DPP6: variants seen among roughly 807,000 people sequenced by gnomAD.
DPP6 encodes the protein dipeptidyl peptidase like 6, also known as A-type potassium channel modulatory protein DPP6.
A neutral mutation model predicts 122.6 loss-of-function variants in DPP6; 69 were observed. The ratio of observed to expected loss-of-function variants is 0.56; its 90% confidence interval spans 0.46 to 0.69. The LOEUF (loss-of-function observed/expected upper bound fraction) is 0.69. DPP6 is among the 30% of genes least tolerant of loss of function. The pLI, the probability that DPP6 is intolerant of heterozygous loss-of-function variation, is 0.00. For missense variants in DPP6, 928 were observed against 1,116.9 expected (o/e 0.83, Z 2.41); for synonymous variants, 418 against 433.1 (o/e 0.97, Z 0.43).
intron 18 of DPP6, among the ~76,000 whole-genome samples, chr7:154,869,212 G>C (rs1364632183): frequency 6.6e-6 from 1 of 152,166 alleles, no homozygotes; most frequent in African/African-American, 2.4e-5. Context: ...CCTGACACGA[G>C]ACAGCAGCGT....
At chr7:153,808,545 G>A in the DPP6 span, among the ~76,000 whole-genome samples, 3 of 151,964 alleles carry the variant, frequency 2.0e-5, no homozygotes, top group Non-Finnish European at 4.4e-5. Context: ...AGCTTATTCA[G>A]CTTCTATCTG....
At chr7:153,872,881 C>G in the DPP6 span, among the ~76,000 whole-genome samples, 16 of 152,146 alleles carry the variant, frequency 1.1e-4, no homozygotes, top group Non-Finnish European at 2.9e-5. Flanking sequence ...ATAGAATAAC[C>G]AACTACAATT....
At chr7:154,439,464 A>G (rs1819177998) in intron 1 of DPP6, among the ~76,000 whole-genome samples, 1 of 152,230 alleles carries the variant, frequency 6.6e-6, no homozygotes, top group Non-Finnish European at 1.5e-5. Context: ...ATATAGAACA[A>G]CTTGATACCT....
chr7:154,060,878 T>TG (rs1801746774), intron 1 of DPP6, among the ~76,000 whole-genome samples: 1 of 82,026 alleles, frequency 1.2e-5, no homozygotes, highest in African/African-American at 5.5e-5. Context: ...CATCACAGAG[T>TG]GGGGAGGCAC....
At chr7:153,848,731 ATC>A in the DPP6 span, among the ~76,000 whole-genome samples, 1 of 152,084 alleles carries the variant, frequency 6.6e-6, no homozygotes, top group Non-Finnish European at 1.5e-5. Flanking sequence ...AGTTCACAAA[ATC>A]TCTCTTAAGC....
At chr7:154,253,609 A>G (rs78012853) in intron 1 of DPP6, among the ~76,000 whole-genome samples, 5,683 of 152,342 alleles carry the variant, frequency 0.037, 184 homozygotes, top group East Asian at 0.13. Flanking sequence ...CTAAACTTAT[A>G]TGGTATAAAC....
chr7:154,716,433 T>C (rs1267251991), intron 7 of DPP6, among the ~76,000 whole-genome samples: 2 of 152,210 alleles, frequency 1.3e-5, no homozygotes, highest in Non-Finnish European at 2.9e-5. Context: ...TTTCCACACA[T>C]GGATGCTGAC....
chr7:153,871,277 C>G, the DPP6 span, among the ~76,000 whole-genome samples: 3 of 152,208 alleles, frequency 2.0e-5, no homozygotes, highest in African/African-American at 7.2e-5. Context: ...GGCAGGCCTC[C>G]TTGAGCTGTG....
chr7:154,054,527 G>A (rs907234683), intron 1 of DPP6, among the ~76,000 whole-genome samples: 5 of 152,208 alleles, frequency 3.3e-5, no homozygotes, highest in Non-Finnish European at 5.9e-5. Flanking sequence ...GATTTTGCAT[G>A]AGGTTTTGTG....
chr7:154,277,434 G>A (rs1223857563), intron 1 of DPP6, among the ~76,000 whole-genome samples: 1 of 152,190 alleles, frequency 6.6e-6, no homozygotes, highest in Non-Finnish European at 1.5e-5. Context: ...ATTAGCTTGG[G>A]AAGATCTGCC....
At chr7:154,052,177 G>A (rs1025595266), upstream of DPP6, among the ~76,000 whole-genome samples, 11 of 151,346 alleles carry the variant, frequency 7.3e-5, no homozygotes, top group South Asian at 2.1e-4. This position sits in a 1 kb window ranked among gnomAD's most constrained non-coding sequence, Gnocchi z 4.8. Context: ...CTCCCCCACC[G>A]CCCCCGCACC....
intron 1 of DPP6, among the ~76,000 whole-genome samples, chr7:154,171,863 G>A (rs1306673743): frequency 3.9e-5 from 6 of 152,086 alleles, no homozygotes; most frequent in South Asian, 2.1e-4. Context: ...GATTGAAACC[G>A]AATATCATTC....
chr7:154,087,275 A>G (rs979869993), intron 1 of DPP6, among the ~76,000 whole-genome samples: 9 of 152,078 alleles, frequency 5.9e-5, no homozygotes, highest in African/African-American at 2.2e-4. Flanking sequence ...AGGTGTCAGC[A>G]CCAACCTCTT....
intron 1 of DPP6, among the ~76,000 whole-genome samples, chr7:153,961,951 C>A (rs1407763062): frequency 1.3e-4 from 19 of 149,482 alleles, no homozygotes; most frequent in Admixed American, 3.3e-4. Context: ...GTTGGGGACC[C>A]CTGTGCTAGA....
Position 154,828,038 on chromosome 7 carries a change from G to A in DPP6, c.1666+20926G>A, listed in dbSNP as rs56878100. Among the ~76,000 whole-genome samples, 88 of 152,252 alleles carry A rather than the reference G, an allele frequency of 5.8e-4. 2 individuals carry two copies. Among genetic ancestry groups the A allele is most frequent in the African/African-American group, 1.9e-3 (81 of 41,540 alleles). On this transcript the variant is annotated intron_variant, in intron 16 of 25. Coordinates refer to ENST00000377770, the MANE Select transcript of DPP6 (RefSeq NM_130797.4). Reference sequence around the variant, plus strand: ...GGAGTGAGTCCCTGTCTTTCTAAACGCAGCGCTGAACTTTCAGCTGAATCT... The same window carrying A: ...GGAGTGAGTCCCTGTCTTTCTAAACACAGCGCTGAACTTTCAGCTGAATCT...
chr7:153,987,635 G>T (rs962637214), intron 1 of DPP6, among the ~76,000 whole-genome samples: 1 of 152,054 alleles, frequency 6.6e-6, no homozygotes, highest in East Asian at 1.9e-4. Flanking sequence ...CGTAGGAGCA[G>T]CGTGAGGTAG....
chr7:154,326,923 C>T (rs1808493348), intron 1 of DPP6, among the ~76,000 whole-genome samples: 1 of 152,084 alleles, frequency 6.6e-6, no homozygotes, highest in Non-Finnish European at 1.5e-5. Flanking sequence ...TCTTGTTAGC[C>T]TGGAAATAGT....
chr7:154,791,427 C>G (rs189090387), intron 10 of DPP6, among the ~76,000 whole-genome samples: 1 of 151,926 alleles, frequency 6.6e-6, no homozygotes, highest in Non-Finnish European at 1.5e-5. Flanking sequence ...GGCAAGAGAG[C>G]GTGTGCAGGG....
chr7:153,802,388 C>CCTTAAATA, the DPP6 span, among the ~76,000 whole-genome samples: 2 of 152,306 alleles, frequency 1.3e-5, no homozygotes, highest in South Asian at 4.2e-4. Context: ...AAGGGGCCTT[C>CCTTAAATA]CTTGTTGAAA....
Sources: gnomAD v4.1 joint callset for allele counts (sites outside exome capture counted in the v4.1 genomes callset) on GRCh38, gnomAD v4.1.1 for gene constraint, Gnocchi (gnomAD v3.1) non-coding constraint, MANE v1.5 for transcripts, NCBI Gene and HGNC (gene_info 2026-07-23, HGNC 2026-07-21) for gene names.